CCSER1: variants seen among roughly 807,000 people sequenced by gnomAD.
The protein encoded by CCSER1 is coiled-coil serine rich protein 1.
Under a neutral mutation model 82.0 loss-of-function variants are expected in CCSER1, and 41 were observed. That is an observed-to-expected ratio of 0.50 (90% CI 0.39 to 0.65). The LOEUF (loss-of-function observed/expected upper bound fraction) is 0.65, where lower values mean the gene tolerates loss of function less well. CCSER1 is among the 30% of genes least tolerant of loss of function. CCSER1 has a pLI of 0.00. For missense variants in CCSER1, 1,119 were observed against 1,064.2 expected (o/e 1.05, Z -0.72); for synonymous variants, 414 against 383.9 (o/e 1.08, Z -0.92).
At chr4:90,254,980 CA>C (rs1294236897) in intron 1 of CCSER1, among the ~76,000 whole-genome samples, 8 of 120,378 alleles carry the variant, frequency 6.6e-5, no homozygotes, top group African/African-American at 2.2e-4. Context: ...TATATATCAA[CA>C]CACACACACA....
intron 9 of CCSER1, among the ~76,000 whole-genome samples, chr4:91,055,192 T>G (rs2148719404): frequency 6.6e-6 from 1 of 152,298 alleles, no homozygotes; most frequent in Admixed American, 6.5e-5. Context: ...CCATGGGGAT[T>G]ACACTTAGTA....
At position 91,603,128 on chromosome 4, in the gene CCSER1, C is replaced by CTGAT. The variant is rs1424333202; in HGVS notation, c.*4073_*4076dup. On this transcript the variant is annotated 3_prime_UTR_variant, in exon 11 of 11. Transcript: ENST00000509176. ...AACTAGTTTTGGTTCTTATAAAAGG[C>CTGAT]TGATTTCAGTTAAGACTGGTCATTT... 6.6e-6 allele frequency: 1 copy of CTGAT among 152,002 alleles called. No individual in the cohort carries two copies. Among genetic ancestry groups the CTGAT allele is most frequent in the Non-Finnish European group, 1.5e-5 (1 of 67,956 alleles). 9.4% of individuals were successfully genotyped at this position (152,002 alleles called of 1,614,324 possible). A position where few individuals can be genotyped will look rare whatever the true frequency, so the allele number is the denominator to read the frequency against.
intron 10 of CCSER1, among the ~76,000 whole-genome samples, chr4:91,156,227 A>C (rs976812845): frequency 6.6e-6 from 1 of 151,844 alleles, no homozygotes; most frequent in African/African-American, 2.4e-5. Flanking sequence ...TACAATAATT[A>C]GAGTATATTA....
At chr4:90,173,380 A>G (rs991337422) in intron 1 of CCSER1, among the ~76,000 whole-genome samples, 5 of 151,708 alleles carry the variant, frequency 3.3e-5, no homozygotes, top group African/African-American at 1.2e-4. Flanking sequence ...TTCAAGAAGC[A>G]TTGTTCTAAA....
At chr4:91,456,722 A>G (rs893110013) in intron 10 of CCSER1, among the ~76,000 whole-genome samples, 2 of 152,034 alleles carry the variant, frequency 1.3e-5, no homozygotes, top group African/African-American at 4.8e-5. Flanking sequence ...TGTTTTTATA[A>G]ATTGTAGCTC....
At chr4:90,443,104 TA>T (rs1253741719) in intron 4 of CCSER1, among the ~76,000 whole-genome samples, 1 of 152,102 alleles carries the variant, frequency 6.6e-6, no homozygotes, top group Non-Finnish European at 1.5e-5. Flanking sequence ...ACAACAATAA[TA>T]AAATAGAAAA....
intron 6 of CCSER1, among the ~76,000 whole-genome samples, chr4:90,637,810 A>G (rs1725703467): frequency 1.3e-5 from 2 of 152,120 alleles, no homozygotes; most frequent in African/African-American, 4.8e-5. Flanking sequence ...ATTCTTTCTT[A>G]TAAAGGTAGC....
chr4:90,779,731 G>A (rs1753491332), intron 7 of CCSER1, among the ~76,000 whole-genome samples: 1 of 152,090 alleles, frequency 6.6e-6, no homozygotes, highest in Admixed American at 6.6e-5. Flanking sequence ...TTGAAGCTAC[G>A]GCTTAGACAT....
chr4:91,061,315 T>C (rs905921776), intron 9 of CCSER1, among the ~76,000 whole-genome samples: 29 of 151,778 alleles, frequency 1.9e-4, no homozygotes, highest in African/African-American at 7.0e-4. Flanking sequence ...ACATAAATAA[T>C]AAAGCAATGT....
At chr4:90,706,722 G>A (rs1739427853) in intron 6 of CCSER1, among the ~76,000 whole-genome samples, 1 of 152,166 alleles carries the variant, frequency 6.6e-6, no homozygotes, top group Non-Finnish European at 1.5e-5. Context: ...AACAAAATTT[G>A]CACATTGTGT....
At chr4:91,473,319 T>C (rs901299962) in intron 10 of CCSER1, among the ~76,000 whole-genome samples, 3 of 152,184 alleles carry the variant, frequency 2.0e-5, no homozygotes, top group African/African-American at 7.2e-5. Context: ...GGTGATGCCA[T>C]GAAGCAGCTC....
intron 7 of CCSER1, among the ~76,000 whole-genome samples, chr4:90,777,422 C>T (rs1366437396): frequency 2.1e-5 from 3 of 145,358 alleles, no homozygotes; most frequent in Admixed American, 2.1e-4. Context: ...ACACTTAGTA[C>T]TTCCTATTTT....
chr4:91,000,410 CTTTG>C (rs71596544), intron 9 of CCSER1, among the ~76,000 whole-genome samples: 9,262 of 151,974 alleles, frequency 0.061, 318 homozygotes, highest in South Asian at 0.091. Flanking sequence ...ATTCTTGGCT[CTTTG>C]TTTGTTCCAT....
At chr4:91,120,800 G>C (rs1197264695) in intron 10 of CCSER1, among the ~76,000 whole-genome samples, 1 of 151,874 alleles carries the variant, frequency 6.6e-6, no homozygotes, top group East Asian at 1.9e-4. Flanking sequence ...TGATCAAGAA[G>C]AGGAATCTGA....
chr4:90,619,020 A>G (rs1045032203), intron 5 of CCSER1, among the ~76,000 whole-genome samples: 3 of 151,870 alleles, frequency 2.0e-5, no homozygotes, highest in Non-Finnish European at 4.4e-5. Flanking sequence ...CTCATTATCT[A>G]TAATATATTT....
intron 10 of CCSER1, among the ~76,000 whole-genome samples, chr4:91,358,527 A>G (rs1229259738): frequency 6.6e-6 from 1 of 151,922 alleles, no homozygotes; most frequent in Non-Finnish European, 1.5e-5. Flanking sequence ...TTCAAAATCC[A>G]AGTATCAAAA....
chr4:90,750,945 AC>A (rs1748535092), intron 7 of CCSER1, among the ~76,000 whole-genome samples: 1 of 152,130 alleles, frequency 6.6e-6, no homozygotes. Flanking sequence ...TCTTAATTAA[AC>A]CCTGTCTATT....
chr4:90,580,456 G>T (rs540506795), intron 5 of CCSER1, among the ~76,000 whole-genome samples: 9 of 152,116 alleles, frequency 5.9e-5, no homozygotes, highest in Non-Finnish European at 1.0e-4. Flanking sequence ...CTACTCTGCT[G>T]CTTTGAACTC....
Position 91,297,468 on chromosome 4 carries a change from TATG to T in CCSER1, c.2217+211479_2217+211481del, listed in dbSNP as rs776346071. Among the ~76,000 whole-genome samples the T allele has an allele frequency of 9.6e-4, 145 of 150,960 alleles. 1 individual carries two copies. Among genetic ancestry groups the T allele is most frequent in the Non-Finnish European group, 1.4e-3 (98 of 67,720 alleles). ...TAAGGAGGGAGAAAAAATCTTCTAG[TATG>T]ATGAGAGTAGGTGAGATAATTGTAT... On this transcript the variant is annotated intron_variant, in intron 10 of 10. Coordinates refer to ENST00000509176, the MANE Select transcript of CCSER1 (RefSeq NM_001145065.2).
Sources: allele counts gnomAD v4.1 joint callset (sites outside exome capture counted in the v4.1 genomes callset), GRCh38; gene constraint gnomAD v4.1.1; transcripts MANE v1.5; gene names NCBI Gene and HGNC (gene_info 2026-07-23, HGNC 2026-07-21).